Variants in NXPH1 observed in about 807,000 individuals in gnomAD.
The protein encoded by NXPH1 is neurexophilin-1.
NXPH1 carries 5 observed loss-of-function variants against 23.7 expected under a neutral mutation model. The observed-to-expected ratio is 0.21, with a 90% confidence interval of 0.11 to 0.44. NXPH1 has a LOEUF of 0.44. Among genes scored for constraint, NXPH1 ranks in the 20% least tolerant of loss-of-function variants. The probability of loss-of-function intolerance (pLI) is 0.99; values close to 1 mark genes in which losing one functional copy is unlikely to be tolerated. For missense variants in NXPH1, 324 were observed against 321.6 expected, an observed-to-expected ratio of 1.01 and a Z score of -0.06; for synonymous variants, 144 against 122.2, an observed-to-expected ratio of 1.18 and a Z score of -1.18.
intron 2 of NXPH1, among the ~76,000 whole-genome samples, chr7:8,513,981 A>T (rs1817652271): frequency 6.6e-6 from 1 of 152,078 alleles, no homozygotes; most frequent in African/African-American, 2.4e-5. Flanking sequence ...TGGCTTGTAG[A>T]GGACCATCTT....
chr7:8,612,194 C>T (rs940845242), intron 2 of NXPH1, among the ~76,000 whole-genome samples: 4 of 149,948 alleles, frequency 2.7e-5, no homozygotes, highest in Admixed American at 6.7e-5. Flanking sequence ...TTTACTTTAC[C>T]TCTCTCCATC....
At chr7:8,469,055 C>T (rs1168464301) in intron 2 of NXPH1, among the ~76,000 whole-genome samples, 1 of 151,464 alleles carries the variant, frequency 6.6e-6, no homozygotes, top group Non-Finnish European at 1.5e-5. Flanking sequence ...TTGAAGTTTA[C>T]ATAAAAAGTA....
intron 2 of NXPH1, among the ~76,000 whole-genome samples, chr7:8,621,816 A>G (rs2214509): frequency 0.37 from 55,843 of 151,948 alleles, 11,005 homozygotes; most frequent in African/African-American, 0.52. Flanking sequence ...CTTCACATGC[A>G]TTATCTCACT....
intron 2 of NXPH1, among the ~76,000 whole-genome samples, chr7:8,517,654 A>G (rs886368477): frequency 5.9e-5 from 9 of 152,166 alleles, no homozygotes; most frequent in Non-Finnish European, 1.5e-5. Flanking sequence ...GCCCTCCCAG[A>G]AGAGATCTCT....
chr7:8,518,552 T>G (rs1817723105), intron 2 of NXPH1, among the ~76,000 whole-genome samples: 1 of 152,102 alleles, frequency 6.6e-6, no homozygotes, highest in Non-Finnish European at 1.5e-5. Flanking sequence ...GTTGGAGTGA[T>G]GCAATCTCAC....
intron 2 of NXPH1, among the ~76,000 whole-genome samples, chr7:8,556,996 G>A (rs578060276): frequency 6.6e-6 from 1 of 151,766 alleles, no homozygotes; most frequent in South Asian, 2.1e-4. Flanking sequence ...AGAGGCAAAG[G>A]CAGGATATGA....
At chr7:8,580,990 G>A (rs1818857503) in intron 2 of NXPH1, among the ~76,000 whole-genome samples, 1 of 152,080 alleles carries the variant, frequency 6.6e-6, no homozygotes, top group Non-Finnish European at 1.5e-5. Context: ...GCTCATCCCT[G>A]AGAAATGCTA....
chr7:8,478,745 G>A (rs1817022453), intron 2 of NXPH1, among the ~76,000 whole-genome samples: 1 of 152,088 alleles, frequency 6.6e-6, no homozygotes, highest in African/African-American at 2.4e-5. Flanking sequence ...TGAGCATATT[G>A]ATCAAACCAA....
At chr7:8,553,658 A>G (rs1428670834) in intron 2 of NXPH1, among the ~76,000 whole-genome samples, 4 of 151,504 alleles carry the variant, frequency 2.6e-5, no homozygotes, top group Non-Finnish European at 3.0e-5. Flanking sequence ...TCATCTATCC[A>G]CCCAATACTG....
rs149411543 is a variant in NXPH1, at chr7:8,597,745, A to G, written c.55-153263A>G. 4.7e-3 allele frequency among the ~76,000 whole-genome samples: 712 copies of G among 151,456 alleles called. 5 individuals carry two copies. The highest frequency in any genetic ancestry group is 0.016 in the African/African-American group (666 of 41,300). On this transcript the variant is annotated intron_variant, in intron 2 of 2. Coordinates refer to ENST00000405863, the MANE Select transcript of NXPH1 (RefSeq NM_152745.3). ...GGCAGTGTGGGGAGCAGTAGCTATC[A>G]CCTTTCTACTTGGCAACATGCCTTA...
At chr7:8,694,878 T>A (rs1821280929) in intron 2 of NXPH1, among the ~76,000 whole-genome samples, 1 of 152,134 alleles carries the variant, frequency 6.6e-6, no homozygotes, top group East Asian at 1.9e-4. Context: ...AACTGTTAAA[T>A]TAAGTTTAAA....
intron 2 of NXPH1, among the ~76,000 whole-genome samples, chr7:8,536,751 G>A: frequency 6.6e-6 from 1 of 151,940 alleles, no homozygotes; most frequent in East Asian, 1.9e-4. Context: ...AAGAGAATAT[G>A]GTGGCTTAGA....
intron 2 of NXPH1, among the ~76,000 whole-genome samples, chr7:8,686,259 C>T (rs571706509): frequency 1.3e-5 from 2 of 152,038 alleles, no homozygotes; most frequent in Non-Finnish European, 2.9e-5. Flanking sequence ...GTGCTTTATT[C>T]CTCAAGTGTT....
chr7:8,565,257 T>C (rs1057173222), intron 2 of NXPH1, among the ~76,000 whole-genome samples: 6 of 151,858 alleles, frequency 4.0e-5, no homozygotes, highest in Non-Finnish European at 7.4e-5. Context: ...TGCTGTCATT[T>C]GAGTGTCAAT....
chr7:8,461,179 T>C (rs1816687765), intron 2 of NXPH1, among the ~76,000 whole-genome samples: 1 of 152,198 alleles, frequency 6.6e-6, no homozygotes, highest in African/African-American at 2.4e-5. Context: ...CCATGCCCCC[T>C]TGCATTCAGT....
chr7:8,594,883 C>A (rs926085976), intron 2 of NXPH1, among the ~76,000 whole-genome samples: 2 of 152,010 alleles, frequency 1.3e-5, no homozygotes, highest in Non-Finnish European at 2.9e-5. Context: ...GGGGAATAAA[C>A]TTCCTGAATT....
At chr7:8,587,046 T>A (rs1291331002) in intron 2 of NXPH1, among the ~76,000 whole-genome samples, 1 of 152,156 alleles carries the variant, frequency 6.6e-6, no homozygotes, top group Non-Finnish European at 1.5e-5. Flanking sequence ...ATAAATTATA[T>A]TCTCTATTAT....
intron 2 of NXPH1, among the ~76,000 whole-genome samples, chr7:8,750,042 A>G (rs1415557275): frequency 3.3e-5 from 5 of 152,216 alleles, no homozygotes; most frequent in African/African-American, 1.2e-4. Context: ...GTGACCTCTC[A>G]GTCATTGACC....
intron 2 of NXPH1, among the ~76,000 whole-genome samples, chr7:8,447,666 T>C (rs1816428597): frequency 1.3e-5 from 2 of 152,234 alleles, no homozygotes; most frequent in South Asian, 4.1e-4. Flanking sequence ...TTCTGAAGTG[T>C]GGAAGCATGA....
Sources: allele counts gnomAD v4.1 joint callset (sites outside exome capture counted in the v4.1 genomes callset), GRCh38; gene constraint gnomAD v4.1.1; transcripts MANE v1.5; gene names NCBI Gene and HGNC (gene_info 2026-07-23, HGNC 2026-07-21).